Variants in SEC31A observed in about 807,000 individuals in gnomAD.
The protein encoded by SEC31A is SEC31 homolog A, COPII component.
SEC31A carries 70 observed loss-of-function variants against 151.0 expected under a neutral mutation model. That is an observed-to-expected ratio of 0.46 (90% CI 0.38 to 0.57). The LOEUF (loss-of-function observed/expected upper bound fraction) is 0.57. Ranked by LOEUF, SEC31A falls within the 20% of genes least tolerant of loss-of-function variation. The pLI, the probability that SEC31A is intolerant of heterozygous loss-of-function variation, is 0.00. For missense variants in SEC31A, 1,330 were observed against 1,471.2 expected (o/e 0.90, Z 1.57); for synonymous variants, 475 against 505.9 (o/e 0.94, Z 0.82).
At chr4:82,862,718 G>A in intron 12 of SEC31A, 146 bp from the exon 13 acceptor site, 1 of 636,730 alleles carries the variant, frequency 1.6e-6, no homozygotes, top group Non-Finnish European at 2.8e-6. Flanking sequence ...AAGCTATGCA[G>A]AACTGGTTCT....
intron 1 of SEC31A, among the ~76,000 whole-genome samples, chr4:82,882,327 G>A (rs991847392): frequency 2.1e-5 from 3 of 143,194 alleles, no homozygotes; most frequent in Admixed American, 1.4e-4. Flanking sequence ...GGCATGACCC[G>A]GAAGACAGAG....
intron 20 of SEC31A, among the ~76,000 whole-genome samples, chr4:82,847,487 A>C (rs1218369425): frequency 3.9e-5 from 6 of 152,216 alleles, no homozygotes; most frequent in Non-Finnish European, 8.8e-5. Context: ...GGACATAAAG[A>C]GCAAATATTC....
In SEC31A at chr4:82,864,535, G is replaced by C. The variant is rs1435741541; in HGVS notation, c.1261C>G (p.Gln421Glu). 3 of 1,614,088 alleles carry C rather than the reference G, an allele frequency of 1.9e-6. No individual in the cohort carries two copies. The highest frequency in any genetic ancestry group is 2.5e-6 in the Non-Finnish European group (3 of 1,180,024). The change falls in exon 11 of 27, where the codon CAG (glutamine) becomes GAG (glutamate). Residue 421 changes from glutamine to glutamate, a missense_variant. Physicochemically the swap from Gln to Glu is conservative, Grantham distance 29. Transcript: ENST00000395310. ...RMPSHQGAEQ[Q>E]QQQHHVFISQ... ...ATGAACACATGGTGCTGCTGCTGCT[G>C]CTGCTCAGCTCCCTGATGAGAAGGC...
intron 17 of SEC31A, 99 bp from the exon 18 acceptor site, chr4:82,853,814 T>G (rs1489122686): frequency 1.1e-6 from 1 of 920,794 alleles, no homozygotes; most frequent in Non-Finnish European, 1.6e-6. Context: ...TGGATTAAGC[T>G]TCATAACCAA....
rs35174989 is a variant in SEC31A at position 82,833,532 on chromosome 4, TAA to T, written c.2969-4476_2969-4475del. Among the ~76,000 whole-genome samples the T allele has an allele frequency of 2.7e-3, 367 of 136,202 alleles. 3 individuals are homozygous for T. Among genetic ancestry groups the T allele is most frequent in the East Asian group, 7.9e-3 (37 of 4,678 alleles). 89.4% of individuals were successfully genotyped at this position (136,202 alleles called of 152,430 possible). ...TGCATGTAACCCAAAAGTTAAATTA[TAA>T]AAAAAAAAAAAAAAATACAGATTTG... On this transcript the variant is annotated intron_variant, in intron 22 of 26. Transcript: ENST00000395310.
intron 22 of SEC31A, among the ~76,000 whole-genome samples, chr4:82,832,357 T>C (rs1015809925): frequency 1.3e-5 from 2 of 152,176 alleles, no homozygotes; most frequent in Non-Finnish European, 2.9e-5. Context: ...GCTAGCCATA[T>C]GCAGAAAACT....
chr4:82,900,546 G>A, upstream of SEC31A: 2 of 526,366 alleles, frequency 3.8e-6, no homozygotes, highest in Non-Finnish European at 6.7e-6. Flanking sequence ...CGCCTCCAAC[G>A]CGGAGGGAGG....
intron 4 of SEC31A, 156 bp from the exon 5 acceptor site, chr4:82,875,978 C>T (rs1737822019): frequency 4.7e-6 from 2 of 421,452 alleles, no homozygotes; most frequent in Admixed American, 8.7e-5. Flanking sequence ...CTAAATTATG[C>T]ATAATTCTTT....
chr4:82,838,091 T>A (rs1230064038), intron 22 of SEC31A, among the ~76,000 whole-genome samples: 1 of 152,298 alleles, frequency 6.6e-6, no homozygotes, highest in African/African-American at 2.4e-5. Flanking sequence ...TTTCTAATGA[T>A]ACAAGATAGA....
Position 82,871,223 on chromosome 4 carries a change from T to C in SEC31A, c.782+721A>G, listed in dbSNP as rs1578327547. ...TGGAAATCAACTTCTTACCATTATA[T>C]GGTATTCATGATTAACGAAAAAAGT... On this transcript the variant is annotated intron_variant, in intron 7 of 26. Coordinates refer to ENST00000395310, the MANE Select transcript of SEC31A (RefSeq NM_001077207.4). 3.8e-6 allele frequency: 4 copies of C among 1,059,084 alleles called. No homozygotes were observed. The East Asian group carries it at 1.2e-4, about 32-fold the overall frequency. 65.6% of individuals were successfully genotyped at this position (1,059,084 alleles called of 1,614,324 possible).
intron 3 of SEC31A, among the ~76,000 whole-genome samples, chr4:82,896,750 A>C (rs1478978790): frequency 6.6e-6 from 1 of 152,176 alleles, no homozygotes; most frequent in Non-Finnish European, 1.5e-5. Context: ...TGAACTTTCT[A>C]AGAATTTTTC....
chr4:82,858,828 G>A (rs1404480222), intron 14 of SEC31A, among the ~76,000 whole-genome samples: 24 of 150,974 alleles, frequency 1.6e-4, no homozygotes, highest in Admixed American at 4.0e-4. Flanking sequence ...TCAGCCTCCC[G>A]AGTAGCTGGG....
chr4:82,832,527 A>T (rs1726180037), intron 22 of SEC31A, among the ~76,000 whole-genome samples: 1 of 152,230 alleles, frequency 6.6e-6, no homozygotes, highest in Non-Finnish European at 1.5e-5. Flanking sequence ...AAACAGCAAA[A>T]GCAATGGCAA....
In SEC31A at chr4:82,848,997, C is replaced by T. The variant is rs376688057; in HGVS notation, c.2329-20G>A. 1.2e-6 allele frequency: 2 copies of T among 1,608,030 alleles called. No homozygotes were observed. Among genetic ancestry groups the T allele is most frequent in the South Asian group, 2.2e-5 (2 of 90,098 alleles). ...ATTTGGCTAAAAAGGATTGGAAAAA[C>T]AGCAGACTGTTGAGAGTTCACCCAG... On this transcript the variant is annotated intron_variant, in intron 19 of 26. Transcript: ENST00000395310.
At chr4:82,825,066 G>C (rs530415476) in intron 24 of SEC31A, among the ~76,000 whole-genome samples, 1 of 152,298 alleles carries the variant, frequency 6.6e-6, no homozygotes, top group East Asian at 1.9e-4. Context: ...TCATTTACGT[G>C]TATGCTGGCA....
rs779948414 is a variant in SEC31A at position 82,874,665 on chromosome 4, T to G, written c.585A>C (p.Val195=). 1 of 1,613,332 alleles carries G rather than the reference T, an allele frequency of 6.2e-7. No homozygotes were observed. Among genetic ancestry groups the G allele is most frequent in the South Asian group, 1.1e-5 (1 of 90,924 alleles). The change falls in exon 6 of 27, where the codon GTA becomes GTC. Residue 195 remains valine (V), a synonymous_variant. Coordinates refer to ENST00000395310, the MANE Select transcript of SEC31A (RefSeq NM_001077207.4). ...ASASPSGRAT[V]WDLRKNEPII... ...TTGGCTCATTTTTTCTAAGATCCCA[T>G]ACAGTGGCCCGGCCACTGGGACTGG...
At chr4:82,882,466 T>C (rs889880489) in intron 1 of SEC31A, among the ~76,000 whole-genome samples, 5 of 147,744 alleles carry the variant, frequency 3.4e-5, no homozygotes, top group African/African-American at 5.1e-5. Flanking sequence ...AGACAAATAC[T>C]GGGCTATTCT....
At chr4:82,861,881 T>A in intron 13 of SEC31A, 173 bp from the exon 14 acceptor site, 2 of 348,744 alleles carry the variant, frequency 5.7e-6, no homozygotes, top group East Asian at 4.7e-5. Flanking sequence ...AGCAAAGAAC[T>A]ATTACTGCTA....
intron 19 of SEC31A, among the ~76,000 whole-genome samples, chr4:82,850,307 T>C (rs1731219144): frequency 6.6e-6 from 1 of 152,108 alleles, no homozygotes; most frequent in Non-Finnish European, 1.5e-5. Flanking sequence ...TTAACAAAAC[T>C]AGTATGCCAA....
Sources: allele counts gnomAD v4.1 joint callset (sites outside exome capture counted in the v4.1 genomes callset), GRCh38; gene constraint gnomAD v4.1.1; transcripts MANE v1.5; gene names NCBI Gene and HGNC (gene_info 2026-07-23, HGNC 2026-07-21).